Variants in NKTR observed in about 807,000 individuals in gnomAD.
NKTR encodes the protein natural killer cell triggering receptor.
Under a neutral mutation model 156.3 loss-of-function variants are expected in NKTR, and 67 were observed. The ratio of observed to expected loss-of-function variants is 0.43; its 90% CI spans 0.35 to 0.53. NKTR has a LOEUF of 0.53. NKTR is among the 20% of genes least tolerant of loss of function. The probability of loss-of-function intolerance (pLI) is 0.01; values close to 1 mark genes in which losing one functional copy is unlikely to be tolerated. For synonymous variants in NKTR, 640 were observed against 596.6 expected, an observed-to-expected ratio of 1.07 and a Z score of -1.06; for missense variants, 1,604 against 1,730.9, an observed-to-expected ratio of 0.93 and a Z score of 1.30.
chr3:42,619,153 T>C, intron 4 of NKTR, 26 bp downstream of exon 4: 1 of 1,590,200 alleles, frequency 6.3e-7, no homozygotes, highest in East Asian at 2.2e-5. Flanking sequence ...GTGTTCCTAA[T>C]AACTCCATCT....
In NKTR at chr3:42,637,149, A is replaced by G. The variant is rs1316077418; in HGVS notation, c.1445A>G (p.Glu482Gly). ...TRRMKSSCDR[E>G]RSSRSSSLSS... ...AGAATGAAATCCTCTTGTGATAGAGAAAGGAGTTCTCGTTCTTCCTCATTG... is the reference window on the plus strand; with the variant it reads ...AGAATGAAATCCTCTTGTGATAGAGGAAGGAGTTCTCGTTCTTCCTCATTG... Residue 482 changes from glutamate to glycine, a missense_variant, in exon 13 of 17, where the codon GAA becomes GGA. By Grantham distance (98) the Glu-to-Gly change is moderately conservative (BLOSUM62 -2). This residue lies in a region of NKTR where 1,255 missense variants were observed against 1,243.7 expected (regional missense o/e 1.01). Transcript: ENST00000232978. 1.2e-5 allele frequency: 19 copies of G among 1,611,830 alleles called. No homozygotes were observed. In the Admixed American group the frequency reaches 3.0e-4, roughly 26 times the overall value.
At position 42,643,938 on chromosome 3, in the gene NKTR, G is replaced by T. The variant is rs775651333; in HGVS notation, c.4236G>T (p.Arg1412=). 1 of 1,614,128 alleles carries T rather than the reference G, an allele frequency of 6.2e-7. No homozygotes were observed. Among genetic ancestry groups the T allele is most frequent in the East Asian group, 2.2e-5 (1 of 44,888 alleles). Reference sequence around the variant, plus strand: ...ACGATAGCTACTATAGCAGGAGTCGGAGTCGAAGTAGAAGCCAGAGAAGTG... The same window carrying T: ...ACGATAGCTACTATAGCAGGAGTCGTAGTCGAAGTAGAAGCCAGAGAAGTG... ...YTYDSYYSRS[R]SRSRSQRSDS... is the part of the protein sequence containing the mutation. Residue 1412 remains arginine, a synonymous_variant, in exon 16 of 17, where the codon CGG becomes CGT. Coordinates refer to ENST00000232978, the MANE Select transcript of NKTR (RefSeq NM_005385.4).
At position 42,639,723 on chromosome 3, in the gene NKTR, G is replaced by C; in HGVS notation, c.4019G>C (p.Arg1340Pro). 1.9e-6 allele frequency: 3 copies of C among 1,610,088 alleles called. No homozygotes were observed. The highest frequency in any genetic ancestry group is 2.5e-6 in the Non-Finnish European group (3 of 1,178,210). ...RSVSYSHSRS[R>P]SRSSTSSYRS... ...GTCTCCTATAGTCACTCAAGAAGTC[G>C]ATCGAGAAGTTCCACATCATCTTAT... The change falls in exon 13 of 17, where the codon CGA becomes CCA. Residue 1340 changes from arginine (R) to proline (P), a missense_variant. Transcript: ENST00000232978.
intron 13 of NKTR, among the ~76,000 whole-genome samples, chr3:42,640,799 C>A (rs1709822386): frequency 6.6e-6 from 1 of 152,248 alleles, no homozygotes; most frequent in Admixed American, 6.5e-5. Flanking sequence ...GCTCTCCTTT[C>A]TCCCACTCAG....
intron 2 of NKTR, among the ~76,000 whole-genome samples, chr3:42,615,858 T>C (rs1489483489): frequency 2.0e-5 from 3 of 152,054 alleles, no homozygotes; most frequent in Non-Finnish European, 4.4e-5. Flanking sequence ...ATTACTGATA[T>C]TATAGGGTTT....
chr3:42,620,520 T>C, intron 5 of NKTR: 1 of 984,120 alleles, frequency 1.0e-6, no homozygotes, highest in South Asian at 4.7e-5. Flanking sequence ...TATATTTCCT[T>C]TGGGGGAAAA....
chr3:42,628,570 A>G, intron 6 of NKTR: 3 of 985,458 alleles, frequency 3.0e-6, no homozygotes, highest in Non-Finnish European at 3.6e-6. Flanking sequence ...GCTTTCCCCA[A>G]TACTGCAGGA....
Position 42,607,969 on chromosome 3 carries a change from C to CTTTTTTTTTTTTTT in NKTR, c.58+6935_58+6948dup, listed in dbSNP as rs201803926. Among the ~76,000 whole-genome samples the CTTTTTTTTTTTTTT allele has an allele frequency of 4.8e-4, 36 of 74,964 alleles. 3 individuals carry two copies. Among genetic ancestry groups the CTTTTTTTTTTTTTT allele is most frequent in the Non-Finnish European group, 8.3e-4 (28 of 33,914 alleles). The allele number at this position is 74,964 out of a possible 152,430, so 49.2% of individuals were successfully genotyped here. A position where few individuals can be genotyped will look rare whatever the true frequency, so the allele number is the denominator to read the frequency against. On this transcript the variant is annotated intron_variant, in intron 2 of 16. Coordinates refer to ENST00000232978, the MANE Select transcript of NKTR (RefSeq NM_005385.4). Reference sequence around the variant, plus strand: ...TGCCAATCGCAAGTCCTGAGTCGCTCTTTTTTTTTTTTTTTTTTTTTTTTT... The same window carrying CTTTTTTTTTTTTTT: ...TGCCAATCGCAAGTCCTGAGTCGCTCTTTTTTTTTTTTTTTTTTTTTTTTTTTTTTTTTTTTTTT...
At chr3:42,631,580 A>G (rs549161215) in intron 8 of NKTR, among the ~76,000 whole-genome samples, 87 of 152,188 alleles carry the variant, frequency 5.7e-4, no homozygotes, top group African/African-American at 2.0e-3. Context: ...CCTCCGTTCT[A>G]TAATCTTTTG....
At chr3:42,604,379 CTT>C (rs34258304) in intron 2 of NKTR, among the ~76,000 whole-genome samples, 3 of 147,596 alleles carry the variant, frequency 2.0e-5, no homozygotes, top group East Asian at 2.0e-4. Context: ...GATTTGATAC[CTT>C]TTTTTTTTGA....
At chr3:42,618,212 G>A (rs891711829) in intron 3 of NKTR, among the ~76,000 whole-genome samples, 7 of 151,646 alleles carry the variant, frequency 4.6e-5, no homozygotes, top group Admixed American at 2.6e-4. Flanking sequence ...TTAGCCGGGC[G>A]TAGTGGCAGG....
intron 2 of NKTR, 21 bp from the exon 3 acceptor site, chr3:42,617,549 T>C: frequency 1.5e-6 from 2 of 1,361,530 alleles, no homozygotes; most frequent in Non-Finnish European, 2.1e-6. Context: ...TACTATTTTT[T>C]TCCTATGTAT....
chr3:42,635,854 G>A (rs1709354178), intron 12 of NKTR, among the ~76,000 whole-genome samples: 1 of 152,050 alleles, frequency 6.6e-6, no homozygotes, highest in Middle Eastern at 3.4e-3. Flanking sequence ...CTTGCAGTGA[G>A]CTGAGATCGT....
At chr3:42,629,237 C>G in intron 6 of NKTR, 6 of 981,400 alleles carry the variant, frequency 6.1e-6, no homozygotes, top group Non-Finnish European at 7.3e-6. Context: ...TTTTTGCTGC[C>G]TGTTTTTATT....
rs568012780 is a variant in NKTR, at chr3:42,635,054, A to T, written c.1018-167A>T. 8.0e-4 allele frequency: 354 copies of T among 443,220 alleles called. 1 individual carries two copies. The African/African-American group carries it at 0.01, about 13-fold the overall frequency. The allele number at this position is 443,220 out of a possible 1,614,324, so 27.5% of individuals were successfully genotyped here. The stretch of plus-strand genomic sequence containing the variant: ...ACCTGAACCTAAAATAAAAGTTAAA[A>T]ACTAAAAAAAAAAAAAAAAAAAAAG... On this transcript the variant is annotated intron_variant, in intron 11 of 16. Transcript: ENST00000232978.
Position 42,637,713 on chromosome 3 carries a change from A to T in NKTR, c.2009A>T (p.Asn670Ile). The T allele has an allele frequency of 1.2e-6, 2 of 1,614,140 alleles. No individual in the cohort carries two copies. The highest frequency in any genetic ancestry group is 4.5e-5 in the East Asian group (2 of 44,888). ...TCATCCTACCATAAAAGAGAAAAAAATTCGGAAAGTGATCAGAGCACTTAT... is the reference window on the plus strand; with the variant it reads ...TCATCCTACCATAAAAGAGAAAAAATTTCGGAAAGTGATCAGAGCACTTAT... ...SSSSYHKREK[N>I]SESDQSTYSK... Residue 670 changes from asparagine (N) to isoleucine (I), a missense_variant, in exon 13 of 17, where the codon AAT becomes ATT. Coordinates refer to ENST00000232978, the MANE Select transcript of NKTR (RefSeq NM_005385.4).
At chr3:42,631,372 G>T in intron 8 of NKTR, 56 bp downstream of exon 8, 1 of 1,586,094 alleles carries the variant, frequency 6.3e-7, no homozygotes, top group South Asian at 1.1e-5. Flanking sequence ...CATTGCTGAA[G>T]ACTGTAACTA....
intron 16 of NKTR, among the ~76,000 whole-genome samples, chr3:42,645,501 A>G (rs933849725): frequency 1.3e-5 from 2 of 152,120 alleles, no homozygotes; most frequent in Non-Finnish European, 2.9e-5. Flanking sequence ...CCTGGCCAAC[A>G]TAGTGAAACC....
chr3:42,633,881 T>TA (rs1382330107), intron 10 of NKTR, 146 bp downstream of exon 10: 2 of 847,992 alleles, frequency 2.4e-6, no homozygotes, highest in African/African-American at 1.7e-5. Context: ...TAATGAATGA[T>TA]ACGTAGGAAA....
Sources: allele counts gnomAD v4.1 joint callset (sites outside exome capture counted in the v4.1 genomes callset), GRCh38; gene constraint gnomAD v4.1.1; regional missense constraint gnomAD v4.1.1; transcripts MANE v1.5; gene names NCBI Gene and HGNC (gene_info 2026-07-23, HGNC 2026-07-21).